Variants in PIP5K1C observed in about 807,000 individuals in gnomAD.
PIP5K1C encodes the protein phosphatidylinositol 4-phosphate 5-kinase type-1 gamma.
PIP5K1C carries 45 observed loss-of-function variants against 80.1 expected under a neutral mutation model. The ratio of observed to expected loss-of-function variants is 0.56; its 90% confidence interval spans 0.44 to 0.72. The LOEUF (loss-of-function observed/expected upper bound fraction) is 0.72. Among genes scored for constraint, PIP5K1C ranks in the 30% least tolerant of loss-of-function variants. The pLI is 0.00. For synonymous variants in PIP5K1C, 498 were observed against 420.1 expected, an observed-to-expected ratio of 1.19 and a Z score of -2.27; for missense variants, 753 against 954.6, an observed-to-expected ratio of 0.79 and a Z score of 2.78.
intron 1 of PIP5K1C, among the ~76,000 whole-genome samples, chr19:3,695,473 C>T (rs1007499980): frequency 3.3e-5 from 5 of 152,224 alleles, no homozygotes; most frequent in Non-Finnish European, 5.9e-5. Context: ...GCAGCCATCA[C>T]GCCCACTTTA....
intron 3 of PIP5K1C, among the ~76,000 whole-genome samples, chr19:3,663,549 C>A (rs1378057006): frequency 2.0e-5 from 3 of 152,230 alleles, no homozygotes; most frequent in Non-Finnish European, 4.4e-5. Flanking sequence ...AGGGGGGCCA[C>A]GCACCTGGAA....
At chr19:3,666,243 A>G (rs1471310574) in intron 2 of PIP5K1C, among the ~76,000 whole-genome samples, 1 of 152,202 alleles carries the variant, frequency 6.6e-6, no homozygotes, top group African/African-American at 2.4e-5. Context: ...AATGGGGCTC[A>G]TGGACAGGTG....
At chr19:3,649,028 G>A (rs566186235) in intron 8 of PIP5K1C, among the ~76,000 whole-genome samples, 2 of 152,232 alleles carry the variant, frequency 1.3e-5, no homozygotes, top group South Asian at 4.1e-4. Context: ...CGGGGTCTCA[G>A]GTACAGACTG....
intron 1 of PIP5K1C, among the ~76,000 whole-genome samples, chr19:3,690,684 A>C (rs2035920923): frequency 6.6e-6 from 1 of 152,188 alleles, no homozygotes; most frequent in Admixed American, 6.5e-5. Flanking sequence ...TCGTAGGAGA[A>C]GATGGGCAAA....
At position 3,633,054 on chromosome 19, in the gene PIP5K1C, G is replaced by C; in HGVS notation, c.*113C>G. The C allele has an allele frequency of 1.5e-6, 1 of 675,568 alleles. No individual in the cohort carries two copies. Among genetic ancestry groups the C allele is most frequent in the Non-Finnish European group, 2.8e-6 (1 of 363,054 alleles). The allele number at this position is 675,568 out of a possible 1,614,324, so 41.8% of individuals were successfully genotyped here. ...TGCAGGGGGAGGACGAGGTCCGGTG[G>C]GGCGGCGAGGCGGGCATCTCCCGAG... On this transcript the variant is annotated 3_prime_UTR_variant, in exon 18 of 18. Transcript: ENST00000335312.
intron 6 of PIP5K1C, among the ~76,000 whole-genome samples, chr19:3,655,542 A>T (rs2034593962): frequency 6.6e-6 from 1 of 152,272 alleles, no homozygotes; most frequent in Non-Finnish European, 1.5e-5. Flanking sequence ...GGCCGCGCCC[A>T]TCCATTCTCA....
chr19:3,691,444 G>A (rs1290184103), intron 1 of PIP5K1C, among the ~76,000 whole-genome samples: 6 of 152,096 alleles, frequency 3.9e-5, no homozygotes, highest in African/African-American at 2.4e-5. Context: ...GCGAGCCCAC[G>A]CACCTGATCA....
intron 15 of PIP5K1C, 82 bp downstream of exon 15, chr19:3,641,623 A>G (rs2033961978): frequency 7.1e-6 from 7 of 982,086 alleles, no homozygotes; most frequent in Non-Finnish European, 1.1e-5. Context: ...GAACTGCTTC[A>G]TGATGAAACC....
intron 11 of PIP5K1C, among the ~76,000 whole-genome samples, chr19:3,644,961 G>A (rs537304419): frequency 3.3e-5 from 5 of 152,378 alleles, no homozygotes; most frequent in East Asian, 3.9e-4. Flanking sequence ...CCTGGATGAC[G>A]GAATGATCCT....
At chr19:3,655,879 C>A (rs899868131) in intron 6 of PIP5K1C, among the ~76,000 whole-genome samples, 6 of 152,324 alleles carry the variant, frequency 3.9e-5, no homozygotes, top group Admixed American at 6.5e-5. Context: ...TACTCCTACT[C>A]CCCCCTCCCG....
In PIP5K1C at chr19:3,696,715, C is replaced by T. The variant is rs1414543306; in HGVS notation, c.94+3582G>A. On this transcript the variant is annotated intron_variant, in intron 1 of 17. Transcript: ENST00000335312. The surrounding 1 kb of genome is among the most constrained non-coding windows in gnomAD (Gnocchi z 4.1). ...CTACAGCAGAGTGCAGACGGGAGGG[C>T]AGGGAGGGCAGAGTGCGGAGGGGAG... Among the ~76,000 whole-genome samples, 1 of 59,618 alleles carries T rather than the reference C, an allele frequency of 1.7e-5. No homozygotes were observed. The highest frequency in any genetic ancestry group is 3.0e-5 in the Non-Finnish European group (1 of 33,230). 39.1% of individuals were successfully genotyped at this position (59,618 alleles called of 152,430 possible).
In PIP5K1C at chr19:3,638,917, G is replaced by A. The variant is rs759375994; in HGVS notation, c.1887C>T (p.Asp629=). The A allele has an allele frequency of 1.2e-5, 19 of 1,612,630 alleles. No homozygotes were observed. The Admixed American group carries it at 1.3e-4, about 11-fold the overall frequency. Residue 629 remains aspartate, a synonymous_variant, in exon 16 of 18, where the codon GAC becomes GAT. Transcript: ENST00000335312. ...TGTCGGTGGCGGGCGCGTCCTCCTC[G>A]TCCGAGGCCTGGCTGGCAGGTGCGC... is the stretch of plus-strand genomic sequence containing the variant. ...EEGAPASQAS[D]EEDAPATDIY...
At chr19:3,657,746 C>T (rs796111694) in intron 5 of PIP5K1C, among the ~76,000 whole-genome samples, 38 of 146,226 alleles carry the variant, frequency 2.6e-4, no homozygotes, top group African/African-American at 9.7e-4. Context: ...GGCAACAGAG[C>T]GAGGCCTCAT....
chr19:3,676,543 G>A (rs906830956), intron 1 of PIP5K1C, among the ~76,000 whole-genome samples: 2 of 152,156 alleles, frequency 1.3e-5, no homozygotes, highest in East Asian at 1.9e-4. Flanking sequence ...CTCTGCCTTC[G>A]CCCCCCACGG....
At chr19:3,634,794 C>T (rs1351646204) in intron 16 of PIP5K1C, among the ~76,000 whole-genome samples, 1 of 152,250 alleles carries the variant, frequency 6.6e-6, no homozygotes. Flanking sequence ...GCTCACTCCA[C>T]CCTGCCCGAT....
intron 3 of PIP5K1C, 122 bp downstream of exon 3, chr19:3,664,700 C>G (rs937626860): frequency 4.6e-6 from 4 of 860,536 alleles, no homozygotes; most frequent in Non-Finnish European, 7.9e-6. Context: ...CAGCCCACAC[C>G]TGTCCCTGGG....
chr19:3,641,037 CCT>C (rs1226238557), intron 15 of PIP5K1C, among the ~76,000 whole-genome samples: 3 of 151,778 alleles, frequency 2.0e-5, no homozygotes, highest in Non-Finnish European at 4.4e-5. Flanking sequence ...TGGGAGAAAC[CCT>C]GTCTTTACTG....
At chr19:3,639,085 C>A (rs1599926369) in intron 15 of PIP5K1C, 69 bp from the exon 16 acceptor site, 1 of 1,565,518 alleles carries the variant, frequency 6.4e-7, no homozygotes, top group East Asian at 2.3e-5. Context: ...CGCCCCCACT[C>A]AGGACCCAGG....
intron 14 of PIP5K1C, 132 bp downstream of exon 14, chr19:3,642,775 G>C: frequency 1.3e-6 from 1 of 785,132 alleles, no homozygotes. Flanking sequence ...CTAGGGCCGA[G>C]TGCTACAATC....
Sources: gnomAD v4.1 joint callset for allele counts (sites outside exome capture counted in the v4.1 genomes callset) on GRCh38, gnomAD v4.1.1 for gene constraint, Gnocchi (gnomAD v3.1) non-coding constraint, MANE v1.5 for transcripts, NCBI Gene and HGNC (gene_info 2026-07-23, HGNC 2026-07-21) for gene names.